Variants in HMGN3 observed in about 807,000 individuals in gnomAD.
HMGN3 encodes high mobility group nucleosome-binding domain-containing protein 3.
Under a neutral mutation model 18.8 loss-of-function variants are expected in HMGN3, and 6 were observed. The observed-to-expected ratio is 0.32, with a 90% CI of 0.18 to 0.63. The LOEUF (loss-of-function observed/expected upper bound fraction) is 0.63. HMGN3 is among the 30% of genes least tolerant of loss of function. The pLI is 0.79. For missense variants in HMGN3, 107 were observed against 114.2 expected, an observed-to-expected ratio of 0.94 and a Z score of 0.29; for synonymous variants, 40 against 36.5, an observed-to-expected ratio of 1.10 and a Z score of -0.35.
intron 4 of HMGN3, among the ~76,000 whole-genome samples, chr6:79,203,132 T>C (rs1776229653): frequency 1.3e-5 from 2 of 152,186 alleles, no homozygotes; most frequent in African/African-American, 2.4e-5. Context: ...TCTGCCATAC[T>C]ATAAGGGCCT....
intron 3 of HMGN3, among the ~76,000 whole-genome samples, chr6:79,206,110 C>A (rs1229724170): frequency 1.3e-5 from 2 of 152,204 alleles, no homozygotes; most frequent in African/African-American, 4.8e-5. Context: ...AAAAGGGAAA[C>A]AGAGCAGAAA....
At chr6:79,214,295 A>G (rs970786756) in intron 2 of HMGN3, among the ~76,000 whole-genome samples, 3 of 149,612 alleles carry the variant, frequency 2.0e-5, no homozygotes, top group South Asian at 2.1e-4. Flanking sequence ...TCCACCTCCC[A>G]GGTTCACACC....
At chr6:79,207,175 T>C (rs1262022884) in intron 3 of HMGN3, among the ~76,000 whole-genome samples, 1 of 152,156 alleles carries the variant, frequency 6.6e-6, no homozygotes, top group Non-Finnish European at 1.5e-5. Flanking sequence ...TGGGGGACTG[T>C]TGGGAAGGCA....
intron 4 of HMGN3, among the ~76,000 whole-genome samples, 195 bp from the exon 5 acceptor site, chr6:79,202,584 T>C (rs1776202200): frequency 6.6e-6 from 1 of 152,146 alleles, no homozygotes; most frequent in Non-Finnish European, 1.5e-5. Context: ...TCTGTGAAAA[T>C]GTAGTAACAG....
chr6:79,205,460 A>G (rs956190270), intron 3 of HMGN3, among the ~76,000 whole-genome samples: 1 of 152,230 alleles, frequency 6.6e-6, no homozygotes, highest in Non-Finnish European at 1.5e-5. Flanking sequence ...TCCCCGCACA[A>G]GCGCTCTCTC....
At chr6:79,207,797 G>A (rs1216521110) in intron 3 of HMGN3, among the ~76,000 whole-genome samples, 1 of 152,128 alleles carries the variant, frequency 6.6e-6, no homozygotes, top group Non-Finnish European at 1.5e-5. Context: ...GTAATAGCTA[G>A]TATGGGGATA....
intron 5 of HMGN3, 36 bp from the exon 7 acceptor site, chr6:79,201,762 C>T (rs747543374): frequency 1.3e-6 from 2 of 1,598,166 alleles, no homozygotes; most frequent in South Asian, 2.2e-5. Context: ...CATATAGTTA[C>T]TACTGAAACT....
intron 1 of HMGN3, among the ~76,000 whole-genome samples, chr6:79,220,470 G>A (rs982019556): frequency 2.6e-5 from 4 of 152,030 alleles, no homozygotes; most frequent in African/African-American, 4.8e-5. Context: ...TTTTTGAGAC[G>A]AAGTCTCACT....
At chr6:79,215,159 G>A in intron 1 of HMGN3, 137 bp from the exon 2 acceptor site, 2 of 600,432 alleles carry the variant, frequency 3.3e-6, no homozygotes, top group South Asian at 4.2e-5. Context: ...AATTACAACA[G>A]GGTATGTCTT....
At chr6:79,233,244 T>C (rs9294134) in intron 1 of HMGN3, among the ~76,000 whole-genome samples, 127,678 of 152,230 alleles carry the variant, frequency 0.84, 54,443 homozygotes, top group East Asian at 1. Context: ...GCAAGTCAAA[T>C]TCTGCACAGC....
At chr6:79,208,566 C>T (rs1476145625) in exon 3 of HMGN3, 7 of 1,610,416 alleles carry the variant, frequency 4.3e-6, no homozygotes, top group South Asian at 2.2e-5. Flanking sequence ...TCTGGCAGAC[C>T]GTCTTGTGGG....
intron 1 of HMGN3, among the ~76,000 whole-genome samples, chr6:79,228,062 C>A (rs1271265929): frequency 1.3e-5 from 2 of 152,176 alleles, no homozygotes; most frequent in East Asian, 3.9e-4. Context: ...TAACCCCCAA[C>A]CCTTTTAACT....
At chr6:79,232,953 T>C (rs1582457159) in intron 1 of HMGN3, among the ~76,000 whole-genome samples, 1 of 152,218 alleles carries the variant, frequency 6.6e-6, no homozygotes, top group African/African-American at 2.4e-5. Context: ...AATACCTTCA[T>C]AAAATTAAGT....
At position 79,234,371 on chromosome 6, in the gene HMGN3, A is replaced by G. The variant is rs1294277463; in HGVS notation, c.15+175T>C. On this transcript the variant is annotated intron_variant, in intron 1 of 5. Coordinates refer to ENST00000344726, the Ensembl canonical transcript of HMGN3. ...AGAGATCGATGAGGACGGAGTGGGTAGGGGGGACAGAGAGAGGAACGTCTG... is the reference window on the plus strand; with the variant it reads ...AGAGATCGATGAGGACGGAGTGGGTGGGGGGGACAGAGAGAGGAACGTCTG... 15 of 499,724 alleles carry G rather than the reference A, an allele frequency of 3.0e-5. No homozygotes were observed. In the South Asian group the frequency reaches 3.3e-4, roughly 11 times the overall value. 31.0% of individuals were successfully genotyped at this position (499,724 alleles called of 1,614,324 possible).
At chr6:79,220,699 G>A (rs906507712) in intron 1 of HMGN3, among the ~76,000 whole-genome samples, 3 of 152,222 alleles carry the variant, frequency 2.0e-5, no homozygotes, top group South Asian at 2.1e-4. Context: ...CACCCACTTT[G>A]GCCTCCCAAA....
intron 1 of HMGN3, among the ~76,000 whole-genome samples, chr6:79,216,227 T>C (rs1255854861): frequency 2.0e-5 from 3 of 152,208 alleles, no homozygotes; most frequent in Non-Finnish European, 4.4e-5. Context: ...ATGGTTTTAT[T>C]TGTACTATTT....
chr6:79,233,728 A>C (rs967269681), intron 1 of HMGN3: 1 of 152,336 alleles, frequency 6.6e-6, no homozygotes, highest in South Asian at 2.1e-4. Flanking sequence ...GGGGCGGAAG[A>C]CAAGACAAAA....
chr6:79,230,122 T>A (rs1177473727), intron 1 of HMGN3, among the ~76,000 whole-genome samples: 1 of 152,204 alleles, frequency 6.6e-6, no homozygotes, highest in Non-Finnish European at 1.5e-5. Context: ...AATGATGTAC[T>A]GATATATGCT....
intron 1 of HMGN3, among the ~76,000 whole-genome samples, chr6:79,226,281 C>T (rs1328853000): frequency 1.3e-5 from 2 of 152,182 alleles, no homozygotes; most frequent in Admixed American, 6.5e-5. Context: ...GAGTGAAATC[C>T]CAACTCAGCC....
Sources: gnomAD v4.1 joint callset for allele counts (sites outside exome capture counted in the v4.1 genomes callset) on GRCh38, gnomAD v4.1.1 for gene constraint, MANE v1.5 for transcripts, NCBI Gene and HGNC (gene_info 2026-07-23, HGNC 2026-07-21) for gene names.